Variants in OLFM4 observed in about 807,000 individuals in gnomAD.
OLFM4 encodes olfactomedin-4.
OLFM4 carries 22 observed loss-of-function variants against 25.5 expected under a neutral mutation model. The observed-to-expected ratio is 0.86, with a 90% confidence interval of 0.62 to 1.23. The LOEUF (loss-of-function observed/expected upper bound fraction) is 1.23, where lower values mean the gene tolerates loss of function less well. Ranked by LOEUF, OLFM4 falls within the 50% of genes most tolerant of loss-of-function variation. The pLI, the probability that OLFM4 is intolerant of heterozygous loss-of-function variation, is 0.00. For missense variants in OLFM4, 594 were observed against 619.4 expected (o/e 0.96, Z 0.44); for synonymous variants, 255 against 237.7 (o/e 1.07, Z -0.67).
In OLFM4 at chr13:53,043,162, C is replaced by T. The variant is rs1954696544; in HGVS notation, c.628C>T (p.Leu210Phe). The change falls in exon 4 of 5, where the codon CTT (leucine) becomes TTT (phenylalanine). Residue 210 changes from leucine (L) to phenylalanine (F), a missense_variant. Transcript: ENST00000219022. ...TGAGACACTAGACAAAAACAATGTCCTTGCCATTCGCCGAGAAATCGTGGC... is the reference window on the plus strand; with the variant it reads ...TGAGACACTAGACAAAAACAATGTCTTTGCCATTCGCCGAGAAATCGTGGC... ...KLETLDKNNV[L>F]AIRREIVALK... The T allele has an allele frequency of 6.2e-7, 1 of 1,613,366 alleles. No individual in the cohort carries two copies. The highest frequency in any genetic ancestry group is 1.3e-5 in the African/African-American group (1 of 74,980).
At chr13:53,037,753 C>T (rs534804796) in intron 2 of OLFM4, among the ~76,000 whole-genome samples, 5 of 152,232 alleles carry the variant, frequency 3.3e-5, no homozygotes, top group South Asian at 2.1e-4. Flanking sequence ...AACCCTGTTA[C>T]GTTTACTTTG....
intron 1 of OLFM4, among the ~76,000 whole-genome samples, chr13:53,030,658 T>C (rs1175704315): frequency 2.6e-5 from 4 of 152,172 alleles, no homozygotes; most frequent in Non-Finnish European, 5.9e-5. Flanking sequence ...ATTTTAGAGA[T>C]GTGAAAACTA....
chr13:53,038,218 C>T (rs775596997), intron 2 of OLFM4, among the ~76,000 whole-genome samples: 8 of 152,106 alleles, frequency 5.3e-5, no homozygotes, highest in Non-Finnish European at 7.4e-5. Flanking sequence ...CAATAGCACT[C>T]GCCCACCCCC....
At chr13:53,031,257 G>T (rs887438015) in intron 1 of OLFM4, among the ~76,000 whole-genome samples, 2 of 152,036 alleles carry the variant, frequency 1.3e-5, no homozygotes, top group African/African-American at 4.8e-5. Context: ...ATTTTCTGGG[G>T]CTGGCTGTCA....
Position 53,050,262 on chromosome 13 carries a change from A to G in OLFM4, c.1024A>G (p.Met342Val). The change falls in exon 5 of 5, where the codon ATG becomes GTG. Residue 342 changes from methionine (M) to valine (V), a missense_variant. Physicochemically the swap from Met to Val is conservative, Grantham distance 21 (BLOSUM62 1). Transcript: ENST00000219022. ...AVYNNNMYVN[M>V]YNTGNIARVN... Reference sequence around the variant, plus strand: ...TTACAACAACAACATGTACGTCAACATGTACAACACCGGGAATATTGCCAG... The same window carrying G: ...TTACAACAACAACATGTACGTCAACGTGTACAACACCGGGAATATTGCCAG... 6.2e-7 allele frequency: 1 copy of G among 1,614,100 alleles called. No homozygotes were observed. The highest frequency in any genetic ancestry group is 1.1e-5 in the South Asian group (1 of 91,078).
intron 2 of OLFM4, among the ~76,000 whole-genome samples, chr13:53,040,831 G>T (rs1233573669): frequency 6.6e-6 from 1 of 152,166 alleles, no homozygotes; most frequent in Non-Finnish European, 1.5e-5. Flanking sequence ...TTAGTTTGGG[G>T]AGTTAATGTC....
At chr13:53,032,035 A>G (rs1954631787) in intron 1 of OLFM4, among the ~76,000 whole-genome samples, 1 of 152,206 alleles carries the variant, frequency 6.6e-6, no homozygotes, top group Non-Finnish European at 1.5e-5. Context: ...GACCATTTTG[A>G]TGTCAGCTGA....
In OLFM4 at chr13:53,050,084, T is replaced by A. The variant is rs760940263; in HGVS notation, c.846T>A (p.His282Gln). 6.2e-7 allele frequency: 1 copy of A among 1,614,050 alleles called. No individual in the cohort carries two copies. Among genetic ancestry groups the A allele is most frequent in the Non-Finnish European group, 8.5e-7 (1 of 1,179,944 alleles). ...GGGGTAGGGATTACTCTCCCCAGCA[T>A]CCAAACAAAGGACTGTATTGGGTGG... ...GAWGRDYSPQ[H>Q]PNKGLYWVAP... Residue 282 changes from histidine (H) to glutamine (Q), a missense_variant, in exon 5 of 5, where the codon CAT becomes CAA. His to Gln is a conservative substitution (Grantham distance 24). Coordinates refer to ENST00000219022, the MANE Select transcript of OLFM4 (RefSeq NM_006418.5).
At chr13:53,044,873 G>A (rs552511907) in intron 4 of OLFM4, among the ~76,000 whole-genome samples, 5 of 152,210 alleles carry the variant, frequency 3.3e-5, no homozygotes, top group South Asian at 2.1e-4. Flanking sequence ...ATCCCTGAAC[G>A]AGCTCCCCAA....
In OLFM4 at chr13:53,050,308, C is replaced by T. The variant is rs752228296; in HGVS notation, c.1070C>T (p.Thr357Met). ...NIARVNLTTN[T>M]IAVTQTLPNA... ...GCCAGAGTTAACCTGACCACCAACACGATTGCTGTGACTCAAACTCTCCCT... is the reference window on the plus strand; with the variant it reads ...GCCAGAGTTAACCTGACCACCAACATGATTGCTGTGACTCAAACTCTCCCT... The change falls in exon 5 of 5, where the codon ACG becomes ATG. Residue 357 changes from threonine to methionine, a missense_variant. Transcript: ENST00000219022. 1.5e-5 allele frequency: 24 copies of T among 1,613,948 alleles called. No individual in the cohort carries two copies. The highest frequency in any genetic ancestry group is 8.3e-5 in the Admixed American group (5 of 59,988).
intron 1 of OLFM4, among the ~76,000 whole-genome samples, chr13:53,033,176 T>A (rs1341776168): frequency 6.6e-6 from 1 of 152,182 alleles, no homozygotes; most frequent in African/African-American, 2.4e-5. Flanking sequence ...AAAAACAGGA[T>A]CTTTCAAAAG....
At chr13:53,045,655 A>G (rs1434850245) in intron 4 of OLFM4, among the ~76,000 whole-genome samples, 2 of 152,184 alleles carry the variant, frequency 1.3e-5, no homozygotes, top group East Asian at 3.9e-4. Flanking sequence ...TCTCAGCTCT[A>G]AAGTAACTCT....
In OLFM4 at chr13:53,028,890, T is replaced by C; in HGVS notation, c.54T>C (p.Ala18=). 1 of 1,614,226 alleles carries C rather than the reference T, an allele frequency of 6.2e-7. No individual in the cohort carries two copies. Residue 18 remains alanine, a synonymous_variant, in exon 1 of 5, where the codon GCT becomes GCC. Transcript: ENST00000219022. ...CCCTTCTGTTCTTCCTTGGCCAAGCTGCAGGGGATTTGGGGGATGTGGGAC... is the reference window on the plus strand; with the variant it reads ...CCCTTCTGTTCTTCCTTGGCCAAGCCGCAGGGGATTTGGGGGATGTGGGAC... ...LLALLFFLGQ[A]AGDLGDVGPP...
chr13:53,051,404 A>G lies in OLFM4; in HGVS notation c.*633A>G, dbSNP rs1954747776. ...AAATTGTACATGGCAAATAAATCCC[A>G]GAAGGATCTGTAGATGAGGCACCTG... On this transcript the variant is annotated 3_prime_UTR_variant, in exon 5 of 5. Transcript: ENST00000219022. 1 of 152,142 alleles carries G rather than the reference A, an allele frequency of 6.6e-6. No individual in the cohort carries two copies. Among genetic ancestry groups the G allele is most frequent in the African/African-American group, 2.4e-5 (1 of 41,436 alleles). 9.4% of individuals were successfully genotyped at this position (152,142 alleles called of 1,614,324 possible). A position where few individuals can be genotyped will look rare whatever the true frequency, so the allele number is the denominator to read the frequency against.
intron 4 of OLFM4, among the ~76,000 whole-genome samples, chr13:53,046,853 G>A (rs144548075): frequency 6.6e-6 from 1 of 152,304 alleles, no homozygotes; most frequent in Non-Finnish European, 1.5e-5. Context: ...ACTTGCTCAA[G>A]GATACACAAC....
chr13:53,036,835 G>A (rs149351967), intron 2 of OLFM4, among the ~76,000 whole-genome samples: 2 of 152,292 alleles, frequency 1.3e-5, no homozygotes, highest in African/African-American at 4.8e-5. Context: ...CAGTAAAACT[G>A]CAGTTCATAA....
At position 53,043,160 on chromosome 13, in the gene OLFM4, T is replaced by A. The variant is rs780024062; in HGVS notation, c.626T>A (p.Val209Asp). 3 of 1,613,212 alleles carry A rather than the reference T, an allele frequency of 1.9e-6. No individual in the cohort carries two copies. The East Asian group carries it at 6.7e-5, about 36-fold the overall frequency. ...CTTGAGACACTAGACAAAAACAATG[T>A]CCTTGCCATTCGCCGAGAAATCGTG... ...EKLETLDKNN[V>D]LAIRREIVAL... The change falls in exon 4 of 5, where the codon GTC becomes GAC. Residue 209 changes from valine to aspartate, a missense_variant. By Grantham distance (152) the Val-to-Asp change is radical. Coordinates refer to ENST00000219022, the MANE Select transcript of OLFM4 (RefSeq NM_006418.5).
chr13:53,042,994 C>A, intron 3 of OLFM4, 111 bp from the exon 4 acceptor site: 1 of 785,866 alleles, frequency 1.3e-6, no homozygotes, highest in Non-Finnish European at 2.0e-6. Context: ...TCAGAAGAAT[C>A]TCTGGTGTAT....
At chr13:53,040,701 A>C (rs539121907) in intron 2 of OLFM4, among the ~76,000 whole-genome samples, 40 of 152,322 alleles carry the variant, frequency 2.6e-4, no homozygotes, top group African/African-American at 9.4e-4. Flanking sequence ...AATTCACAGC[A>C]CAACCCCCAC....
Sources: allele counts gnomAD v4.1 joint callset (sites outside exome capture counted in the v4.1 genomes callset), GRCh38; gene constraint gnomAD v4.1.1; transcripts MANE v1.5; gene names NCBI Gene and HGNC (gene_info 2026-07-23, HGNC 2026-07-21).